Variants in PHLPP1 observed in about 807,000 individuals in gnomAD.
PHLPP1 encodes the protein PH domain leucine-rich repeat-containing protein phosphatase 1.
A neutral mutation model predicts 117.2 loss-of-function variants in PHLPP1; 42 were observed. The observed-to-expected ratio is 0.36, with a 90% CI of 0.28 to 0.46. The LOEUF (loss-of-function observed/expected upper bound fraction) is 0.46. Ranked by LOEUF, PHLPP1 falls within the 20% of genes least tolerant of loss-of-function variation. The pLI is 1.00. For missense variants in PHLPP1, 2,084 were observed against 2,241.9 expected, an observed-to-expected ratio of 0.93 and a Z score of 1.42; for synonymous variants, 1,042 against 970.7, an observed-to-expected ratio of 1.07 and a Z score of -1.37.
chr18:62,956,953 A>T (rs1392525009), intron 12 of PHLPP1, among the ~76,000 whole-genome samples: 1 of 152,186 alleles, frequency 6.6e-6, no homozygotes, highest in Non-Finnish European at 1.5e-5. Context: ...TTTTCCAAAT[A>T]AAAGGAAGAT....
chr18:62,954,988 C>A (rs193153648), intron 12 of PHLPP1, among the ~76,000 whole-genome samples: 1 of 152,278 alleles, frequency 6.6e-6, no homozygotes, highest in African/African-American at 2.4e-5. Flanking sequence ...CAGCAGCAAT[C>A]CCTGCTCTCT....
chr18:62,928,590 A>C (rs2144436169), intron 10 of PHLPP1, among the ~76,000 whole-genome samples: 1 of 152,342 alleles, frequency 6.6e-6, no homozygotes, highest in South Asian at 2.1e-4. Flanking sequence ...AGTACTTTGG[A>C]AAACAGATTG....
intron 1 of PHLPP1, among the ~76,000 whole-genome samples, chr18:62,814,050 A>G (rs946678221): frequency 6.6e-5 from 10 of 152,112 alleles, no homozygotes; most frequent in African/African-American, 2.4e-4. Context: ...GTTAATCAGT[A>G]TTATAAAGAA....
intron 3 of PHLPP1, among the ~76,000 whole-genome samples, chr18:62,858,635 A>G (rs779883883): frequency 2.0e-5 from 3 of 152,186 alleles, no homozygotes; most frequent in East Asian, 1.9e-4. Flanking sequence ...TTTAGTGGAT[A>G]TAAAATGTGA....
intron 1 of PHLPP1, among the ~76,000 whole-genome samples, chr18:62,782,996 C>G (rs372334932): frequency 6.9e-6 from 1 of 145,312 alleles, no homozygotes; most frequent in Non-Finnish European, 1.5e-5. Flanking sequence ...GCTTCCAGCT[C>G]TCATAAGTAA....
chr18:62,895,065 A>T lies in PHLPP1; in HGVS notation c.2121A>T (p.Pro707=), dbSNP rs624821. ...CCAATAATCATTTAGGGGACTTCCC[A>T]CTGGCAGTCTGCAGTATTCCAACCC... is the stretch of plus-strand genomic sequence containing the variant. ...NLSNNHLGDF[P]LAVCSIPTLA... Residue 707 remains proline (P), a synonymous_variant, in exon 5 of 17, where the codon CCA becomes CCT. Coordinates refer to ENST00000262719, the MANE Select transcript of PHLPP1 (RefSeq NM_194449.4). 0.59 allele frequency: 948,130 copies of T among 1,612,158 alleles called. 281,753 individuals are homozygous for T. Among genetic ancestry groups the T allele is most frequent in the Middle Eastern group, 0.61 (3,716 of 6,058 alleles).
chr18:62,762,415 CTT>C (rs368710387), intron 1 of PHLPP1, among the ~76,000 whole-genome samples: 3 of 127,842 alleles, frequency 2.3e-5, no homozygotes, highest in Non-Finnish European at 5.1e-5. Context: ...ATTTTTTTAT[CTT>C]TTTTTTTTTT....
rs989662268 is a variant in PHLPP1, at chr18:62,812,658, A to T, written c.1577-17377A>T. Among the ~76,000 whole-genome samples, 4 of 152,158 alleles carry T rather than the reference A, an allele frequency of 2.6e-5. No homozygotes were observed. In the South Asian group the frequency reaches 8.3e-4, roughly 32 times the overall value. On this transcript the variant is annotated intron_variant, in intron 1 of 16. Transcript: ENST00000262719. ...CTGCCCAGCTTCATTGTTTCAGCGA[A>T]GTTCAGTTGTGTCTCCTTGCTCATG...
chr18:62,782,877 A>G (rs1243512429), intron 1 of PHLPP1, among the ~76,000 whole-genome samples: 1 of 151,996 alleles, frequency 6.6e-6, no homozygotes, highest in Admixed American at 6.6e-5. Flanking sequence ...GCAAAGCGCT[A>G]TTTGTTTTTT....
intron 12 of PHLPP1, among the ~76,000 whole-genome samples, chr18:62,955,790 G>T (rs1910594982): frequency 6.6e-6 from 1 of 151,924 alleles, no homozygotes; most frequent in Non-Finnish European, 1.5e-5. Context: ...TTGACCAAAG[G>T]CATTTTCTGA....
At chr18:62,882,483 T>C (rs1916194200) in intron 4 of PHLPP1, among the ~76,000 whole-genome samples, 1 of 152,016 alleles carries the variant, frequency 6.6e-6, no homozygotes, top group Non-Finnish European at 1.5e-5. Flanking sequence ...ATGGTCTCAA[T>C]CTCCTGACCT....
chr18:62,787,099 A>G (rs1015847571), intron 1 of PHLPP1, among the ~76,000 whole-genome samples: 2 of 151,700 alleles, frequency 1.3e-5, no homozygotes, highest in Non-Finnish European at 1.5e-5. Context: ...AAAAAATTCA[A>G]TTTTCTCTGG....
At chr18:62,753,969 C>T (rs887652693) in intron 1 of PHLPP1, among the ~76,000 whole-genome samples, 1 of 152,106 alleles carries the variant, frequency 6.6e-6, no homozygotes, top group African/African-American at 2.4e-5. Flanking sequence ...TGAGCTGTCA[C>T]CTATTCCTGA....
intron 1 of PHLPP1, among the ~76,000 whole-genome samples, chr18:62,796,442 G>T (rs1200567445): frequency 1.3e-5 from 2 of 152,196 alleles, no homozygotes; most frequent in Non-Finnish European, 2.9e-5. Flanking sequence ...TGAATTAGTA[G>T]TTAAAAGAAA....
intron 2 of PHLPP1, among the ~76,000 whole-genome samples, chr18:62,830,470 C>T (rs1381561591): frequency 1.3e-5 from 2 of 152,194 alleles, no homozygotes; most frequent in African/African-American, 4.8e-5. Flanking sequence ...CTCAAGTGAT[C>T]TGCCCACCTC....
In PHLPP1 at chr18:62,897,794, A is replaced by G. The variant is rs1180610859; in HGVS notation, c.2444+1783A>G. ...AGTGCTGGAATTACAGACATGAGCCACCACACCCAGCCTAATTCTGCCTTA... is the reference window on the plus strand; with the variant it reads ...AGTGCTGGAATTACAGACATGAGCCGCCACACCCAGCCTAATTCTGCCTTA... On this transcript the variant is annotated intron_variant, in intron 6 of 16. Coordinates refer to ENST00000262719, the MANE Select transcript of PHLPP1 (RefSeq NM_194449.4). Among the ~76,000 whole-genome samples the G allele has an allele frequency of 2.0e-5, 3 of 152,320 alleles. No individual in the cohort carries two copies. The East Asian group carries it at 5.8e-4, about 29-fold the overall frequency.
intron 1 of PHLPP1, among the ~76,000 whole-genome samples, chr18:62,794,042 A>C (rs1913547542): frequency 6.6e-6 from 1 of 152,202 alleles, no homozygotes; most frequent in South Asian, 2.1e-4. Context: ...TTGTTAAAGA[A>C]ATTAAACCAG....
intron 4 of PHLPP1, among the ~76,000 whole-genome samples, chr18:62,892,658 C>T (rs561627391): frequency 2.0e-4 from 30 of 151,614 alleles, no homozygotes; most frequent in South Asian, 6.3e-4. Context: ...GGGCGGATCA[C>T]GAGGCCAGGA....
chr18:62,850,399 G>C (rs1001171396), intron 3 of PHLPP1, among the ~76,000 whole-genome samples: 1 of 115,140 alleles, frequency 8.7e-6, no homozygotes, highest in African/African-American at 3.2e-5. Flanking sequence ...GGGGGCGGGG[G>C]GGAAAACAAG....
Sources: allele counts gnomAD v4.1 joint callset (sites outside exome capture counted in the v4.1 genomes callset), GRCh38; gene constraint gnomAD v4.1.1; transcripts MANE v1.5; gene names NCBI Gene and HGNC (gene_info 2026-07-23, HGNC 2026-07-21).